The following CATSPERE variants were observed in gnomAD, a reference collection of about 807,000 sequenced individuals.
The protein encoded by CATSPERE is catsper channel auxiliary subunit epsilon.
Under a neutral mutation model 114.1 loss-of-function variants are expected in CATSPERE, and 93 were observed. The observed-to-expected ratio is 0.81, with a 90% CI of 0.69 to 0.97. The LOEUF (loss-of-function observed/expected upper bound fraction) is 0.97, where lower values mean the gene tolerates loss of function less well. Ranked by LOEUF, CATSPERE falls within the 50% of genes least tolerant of loss-of-function variation. The pLI, the probability that CATSPERE is intolerant of heterozygous loss-of-function variation, is 0.00. For missense variants in CATSPERE, 1,058 were observed against 1,131.6 expected (o/e 0.93, Z 0.93); for synonymous variants, 341 against 384.1 (o/e 0.89, Z 1.31).
intron 7 of CATSPERE, among the ~76,000 whole-genome samples, chr1:244,511,624 TTG>T (rs1212464130): frequency 2.0e-5 from 3 of 152,184 alleles, no homozygotes; most frequent in African/African-American, 7.2e-5. Flanking sequence ...TCTTTCTTCT[TTG>T]TGTTATTGAT....
At chr1:244,587,919 G>A (rs1667218840) in intron 13 of CATSPERE, among the ~76,000 whole-genome samples, 1 of 152,196 alleles carries the variant, frequency 6.6e-6, no homozygotes. Context: ...TTTGAGCCAG[G>A]TGTGGTGGCT....
At chr1:244,456,249 C>T (rs917736278) in intron 1 of CATSPERE, among the ~76,000 whole-genome samples, 2 of 152,010 alleles carry the variant, frequency 1.3e-5, no homozygotes, top group Admixed American at 1.3e-4. Context: ...CAGTGTAAAG[C>T]GGCACCCTTA....
chr1:244,498,563 T>C (rs1438145241), intron 6 of CATSPERE, among the ~76,000 whole-genome samples: 1 of 152,210 alleles, frequency 6.6e-6, no homozygotes, highest in African/African-American at 2.4e-5. Flanking sequence ...ATAAAAAGTA[T>C]GTGAGTGGGG....
chr1:244,516,218 T>C (rs1558409433), intron 7 of CATSPERE, among the ~76,000 whole-genome samples: 1 of 151,182 alleles, frequency 6.6e-6, no homozygotes, highest in African/African-American at 2.4e-5. Context: ...ATAATAATAA[T>C]AACAATGCAA....
chr1:244,462,816 T>C (rs2148067402), intron 1 of CATSPERE, among the ~76,000 whole-genome samples: 1 of 152,276 alleles, frequency 6.6e-6, no homozygotes, highest in African/African-American at 2.4e-5. Flanking sequence ...GATAAGGGAA[T>C]TGCATAATGA....
At chr1:244,545,118 A>G (rs942627769) in intron 8 of CATSPERE, among the ~76,000 whole-genome samples, 1 of 152,194 alleles carries the variant, frequency 6.6e-6, no homozygotes, top group Non-Finnish European at 1.5e-5. Context: ...GTGACCCTAG[A>G]TATATCGGTA....
At chr1:244,485,763 T>C (rs1670910442) in intron 5 of CATSPERE, among the ~76,000 whole-genome samples, 1 of 150,996 alleles carries the variant, frequency 6.6e-6, no homozygotes, top group Non-Finnish European at 1.5e-5. Context: ...AGTAGTGCAA[T>C]CGTAGCTCAC....
At chr1:244,475,296 T>C (rs886729582) in intron 2 of CATSPERE, among the ~76,000 whole-genome samples, 5 of 151,690 alleles carry the variant, frequency 3.3e-5, no homozygotes, top group Admixed American at 2.6e-4. Context: ...TGCAGTGGTA[T>C]GATCTCGGCT....
rs114252784 is a variant in CATSPERE at position 244,592,810 on chromosome 1, G to T, written c.2190-585G>T. The stretch of plus-strand genomic sequence containing the variant: ...AAATAGACTCTGTCACTGTGATGGG[G>T]GTTTCCTGAGTCTGTCCCCTGCAAC... On this transcript the variant is annotated intron_variant, in intron 15 of 21. Coordinates refer to ENST00000366534, the MANE Select transcript of CATSPERE (RefSeq NM_001130957.2). 7.8e-3 allele frequency among the ~76,000 whole-genome samples: 1,187 copies of T among 152,248 alleles called. 9 individuals are homozygous for T. Among genetic ancestry groups the T allele is most frequent in the Middle Eastern group, 0.02 (6 of 294 alleles).
intron 10 of CATSPERE, among the ~76,000 whole-genome samples, 168 bp downstream of exon 10, chr1:244,561,313 A>G (rs1440433957): frequency 6.6e-6 from 1 of 152,222 alleles, no homozygotes; most frequent in Non-Finnish European, 1.5e-5. Context: ...AATGTTAACT[A>G]TGATCTCACA....
chr1:244,488,026 A>C (rs1330295622), intron 5 of CATSPERE, among the ~76,000 whole-genome samples: 1 of 152,170 alleles, frequency 6.6e-6, no homozygotes, highest in East Asian at 1.9e-4. Flanking sequence ...ATGAACAATT[A>C]TCATGTTAAC....
chr1:244,544,259 T>C (rs538227712), intron 8 of CATSPERE, among the ~76,000 whole-genome samples: 7 of 152,076 alleles, frequency 4.6e-5, no homozygotes, highest in Non-Finnish European at 8.8e-5. Flanking sequence ...TAACTGTACA[T>C]TGGGGAAAAA....
In CATSPERE at chr1:244,607,040, C is replaced by T. The variant is rs909123402; in HGVS notation, c.2403+1246C>T. On this transcript the variant is annotated intron_variant, in intron 18 of 21. Coordinates refer to ENST00000366534, the MANE Select transcript of CATSPERE (RefSeq NM_001130957.2). The surrounding 1 kb of genome is among the most constrained non-coding windows in gnomAD (Gnocchi z 4.4). ...CCCTATACTATTGTATCCATCTTCT[C>T]CCTTGGTCCAGACTCCCATCACTCT... Among the ~76,000 whole-genome samples, 1 of 152,164 alleles carries T rather than the reference C, an allele frequency of 6.6e-6. No individual in the cohort carries two copies. The highest frequency in any genetic ancestry group is 1.5e-5 in the Non-Finnish European group (1 of 68,024).
At chr1:244,561,482 C>T (rs1007924922) in intron 10 of CATSPERE, among the ~76,000 whole-genome samples, 2 of 152,062 alleles carry the variant, frequency 1.3e-5, no homozygotes, top group African/African-American at 4.8e-5. Context: ...AACAAAGTAC[C>T]ACAAACTGGA....
At chr1:244,576,827 T>A (rs964260735) in intron 11 of CATSPERE, among the ~76,000 whole-genome samples, 1 of 152,146 alleles carries the variant, frequency 6.6e-6, no homozygotes, top group Non-Finnish European at 1.5e-5. Context: ...GTCAGTTAAT[T>A]CCAAAGTCAG....
rs1258267755 is a variant in CATSPERE, at chr1:244,552,544, G to C, written c.759G>C (p.Leu253Phe). Residue 253 changes from leucine (L) to phenylalanine (F), a missense_variant, in exon 9 of 22, where the codon TTG becomes TTC. Leu to Phe is a conservative substitution (Grantham distance 22). Coordinates refer to ENST00000366534, the MANE Select transcript of CATSPERE (RefSeq NM_001130957.2). ...CTTGTGTAGTTGCATCTGCTGTTTT[G>C]GTGACAGATATGGAGACCTTTCACA... Reference protein sequence around the residue: ...WDACVVASAVLVTDMETFHTT... With the variant: ...WDACVVASAVFVTDMETFHTT... The C allele has an allele frequency of 6.2e-7, 1 of 1,614,094 alleles. No homozygotes were observed. The highest frequency in any genetic ancestry group is 1.1e-5 in the South Asian group (1 of 91,076).
intron 8 of CATSPERE, among the ~76,000 whole-genome samples, chr1:244,548,805 A>ATGC (rs1660152929): frequency 6.6e-6 from 1 of 152,180 alleles, no homozygotes; most frequent in African/African-American, 2.4e-5. Context: ...GCTCTGAATC[A>ATGC]TGCCTAATAT....
intron 20 of CATSPERE, among the ~76,000 whole-genome samples, chr1:244,627,544 T>TAG (rs1673364546): frequency 6.6e-6 from 1 of 151,858 alleles, no homozygotes; most frequent in Non-Finnish European, 1.5e-5. Context: ...CACTGCCCTC[T>TAG]AGCCTGGACG....
At chr1:244,625,422 A>ATTTTTTT (rs1349807713) in intron 20 of CATSPERE, among the ~76,000 whole-genome samples, 6 of 4,050 alleles carry the variant, frequency 1.5e-3, no homozygotes, top group South Asian at 0.023. Context: ...ATATATATAT[A>ATTTTTTT]TATATATATA....
Sources: allele counts gnomAD v4.1 joint callset (sites outside exome capture counted in the v4.1 genomes callset), GRCh38; gene constraint gnomAD v4.1.1; non-coding constraint Gnocchi (gnomAD v3.1); transcripts MANE v1.5; gene names NCBI Gene and HGNC (gene_info 2026-07-23, HGNC 2026-07-21).